Variants in OLFM3 observed in about 807,000 individuals in gnomAD.
OLFM3 encodes noelin-3.
In OLFM3, 20 loss-of-function variants were observed where a neutral mutation model predicts 48.6. That is an observed-to-expected ratio of 0.41 (90% confidence interval 0.29 to 0.60). The LOEUF is 0.60. Ranked by LOEUF, OLFM3 falls within the 20% of genes least tolerant of loss-of-function variation. The pLI is 0.28. For missense variants in OLFM3, 437 were observed against 544.3 expected (o/e 0.80, Z 1.96); for synonymous variants, 222 against 198.1 (o/e 1.12, Z -1.01).
intron 1 of OLFM3, among the ~76,000 whole-genome samples, chr1:101,902,790 T>C (rs966077285): frequency 1.3e-5 from 2 of 152,130 alleles, no homozygotes; most frequent in Non-Finnish European, 2.9e-5. Context: ...AACAGCTCCA[T>C]GGAGTATGTA....
intron 1 of OLFM3, among the ~76,000 whole-genome samples, chr1:101,969,464 G>A (rs972113812): frequency 1.3e-4 from 20 of 151,982 alleles, no homozygotes; most frequent in African/African-American, 4.6e-4. Context: ...CACCATGCCT[G>A]GACACTTGTC....
At chr1:101,899,101 A>T (rs12748614) in intron 1 of OLFM3, among the ~76,000 whole-genome samples, 4 of 152,106 alleles carry the variant, frequency 2.6e-5, no homozygotes, top group South Asian at 4.1e-4. Context: ...CTCAGCTGGG[A>T]GGCTCTACCT....
At chr1:101,841,993 T>C (rs979590396) in intron 1 of OLFM3, among the ~76,000 whole-genome samples, 1 of 152,124 alleles carries the variant, frequency 6.6e-6, no homozygotes, top group Non-Finnish European at 1.5e-5. Context: ...GCTTCAGTTG[T>C]GGAGACAAGA....
intron 1 of OLFM3, among the ~76,000 whole-genome samples, chr1:101,980,663 C>T (rs1178510934): frequency 2.0e-5 from 3 of 152,168 alleles, no homozygotes; most frequent in Non-Finnish European, 4.4e-5. Context: ...TTCTTCATCA[C>T]AGTGTGAGAA....
intron 1 of OLFM3, among the ~76,000 whole-genome samples, chr1:101,892,178 C>T (rs1658024886): frequency 6.6e-6 from 1 of 151,992 alleles, no homozygotes; most frequent in South Asian, 2.1e-4. Flanking sequence ...ATTTATTTTT[C>T]CTGTTAACAC....
intron 1 of OLFM3, among the ~76,000 whole-genome samples, chr1:101,900,295 T>C (rs1268242396): frequency 6.6e-6 from 1 of 152,108 alleles, no homozygotes; most frequent in Non-Finnish European, 1.5e-5. Flanking sequence ...AATCTATGGA[T>C]AGACTCGTAT....
intron 1 of OLFM3, among the ~76,000 whole-genome samples, chr1:101,959,029 A>G (rs1287495512): frequency 6.6e-6 from 1 of 151,864 alleles, no homozygotes; most frequent in Admixed American, 6.6e-5. Context: ...GTACCCTTTG[A>G]CCAACATCTC....
intron 1 of OLFM3, among the ~76,000 whole-genome samples, chr1:101,883,351 A>C (rs1458036836): frequency 4.0e-5 from 6 of 151,036 alleles, no homozygotes; most frequent in Non-Finnish European, 1.5e-5. Flanking sequence ...ATACACACAC[A>C]CACACATATA....
intron 1 of OLFM3, among the ~76,000 whole-genome samples, chr1:101,947,384 C>T (rs139928288): frequency 6.6e-6 from 1 of 152,212 alleles, no homozygotes; most frequent in East Asian, 1.9e-4. Context: ...AGAGTATATA[C>T]AAGCAAAGTT....
rs376881431 is a variant in OLFM3 at position 101,894,736 on chromosome 1, A to G, written c.70-57711T>C. Among the ~76,000 whole-genome samples, 107 of 152,288 alleles carry G rather than the reference A, an allele frequency of 7.0e-4. 2 individuals carry two copies. In the South Asian group the frequency reaches 0.022, roughly 31 times the overall value. ...TGTGTTTCAAAGTCCAATAAAGGGA[A>G]CACTAATACAGATTGTAATTGTATT... On this transcript the variant is annotated intron_variant, in intron 1 of 5. Transcript: ENST00000370103.
intron 1 of OLFM3, among the ~76,000 whole-genome samples, chr1:101,901,583 A>G (rs1435613966): frequency 6.6e-6 from 1 of 152,086 alleles, no homozygotes; most frequent in East Asian, 1.9e-4. Flanking sequence ...GATTAGATGC[A>G]GAAATACCAA....
In OLFM3 at chr1:101,840,056, A is replaced by G. The variant is rs191813139; in HGVS notation, c.70-3031T>C. Among the ~76,000 whole-genome samples, 211 of 152,282 alleles carry G rather than the reference A, an allele frequency of 1.4e-3. 1 individual carries two copies. Among genetic ancestry groups the G allele is most frequent in the African/African-American group, 5.0e-3 (209 of 41,558 alleles). ...AAATAGAAGCTTTATGAGTGTTTCT[A>G]GTGTTCTCTTTTAGAGAATCCATGC... is the stretch of plus-strand genomic sequence containing the variant. On this transcript the variant is annotated intron_variant, in intron 1 of 5. Transcript: ENST00000370103.
intron 1 of OLFM3, among the ~76,000 whole-genome samples, chr1:101,965,777 G>C (rs1216203433): frequency 2.6e-5 from 4 of 152,114 alleles, no homozygotes; most frequent in Non-Finnish European, 5.9e-5. Context: ...TATATTTTAT[G>C]TACTGAAGAG....
chr1:101,812,012 A>G (rs1654078405), intron 4 of OLFM3, among the ~76,000 whole-genome samples: 1 of 152,232 alleles, frequency 6.6e-6, no homozygotes, highest in African/African-American at 2.4e-5. Context: ...GCCATAAAAA[A>G]GGATGAGTTC....
At position 101,967,590 on chromosome 1, in the gene OLFM3, G is replaced by GAAAAAAAAAAAAAAAAAAAAA. The variant is rs71592233; in HGVS notation, c.69+29137_69+29157dup. 3.4e-4 allele frequency among the ~76,000 whole-genome samples: 15 copies of GAAAAAAAAAAAAAAAAAAAAA among 44,582 alleles called. 1 individual carries two copies. Among genetic ancestry groups the GAAAAAAAAAAAAAAAAAAAAA allele is most frequent in the African/African-American group, 1.1e-3 (10 of 9,242 alleles). 29.2% of individuals were successfully genotyped at this position (44,582 alleles called of 152,430 possible). On this transcript the variant is annotated intron_variant, in intron 1 of 5. Transcript: ENST00000370103. ...CCTTTTTACTTCCATCCTAGTCAGT[G>GAAAAAAAAAAAAAAAAAAAAA]AAAAAAAAAAAAAAAAAAAAAAAAG... is the stretch of plus-strand genomic sequence containing the variant.
chr1:101,894,190 G>A (rs941699736), intron 1 of OLFM3: 10 of 152,780 alleles, frequency 6.5e-5, no homozygotes, highest in African/African-American at 2.4e-4. Context: ...ATTAAAGGAA[G>A]AATAAATACA....
intron 1 of OLFM3, among the ~76,000 whole-genome samples, chr1:101,889,714 A>T (rs1454187822): frequency 6.6e-6 from 1 of 152,140 alleles, no homozygotes; most frequent in Non-Finnish European, 1.5e-5. Context: ...ATACTGATCT[A>T]GCATAGATAA....
chr1:101,859,627 A>T (rs1340653846), intron 1 of OLFM3, among the ~76,000 whole-genome samples: 1 of 152,134 alleles, frequency 6.6e-6, no homozygotes, highest in Non-Finnish European at 1.5e-5. Flanking sequence ...TCCAAAATCC[A>T]AAATGCTCCA....
intron 3 of OLFM3, among the ~76,000 whole-genome samples, chr1:101,826,078 G>T (rs1654848985): frequency 1.3e-5 from 2 of 151,200 alleles, no homozygotes; most frequent in Non-Finnish European, 2.9e-5. Context: ...TTATGTAATA[G>T]ATGAGCCAGT....
Sources: gnomAD v4.1 joint callset for allele counts (sites outside exome capture counted in the v4.1 genomes callset) on GRCh38, gnomAD v4.1.1 for gene constraint, MANE v1.5 for transcripts, NCBI Gene and HGNC (gene_info 2026-07-23, HGNC 2026-07-21) for gene names.